TENM4: variants seen among roughly 807,000 people sequenced by gnomAD.
The protein encoded by TENM4 is teneurin transmembrane protein 4.
In TENM4, 82 loss-of-function variants were observed where a neutral mutation model predicts 243.3. The ratio of observed to expected loss-of-function variants is 0.34; its 90% CI spans 0.28 to 0.40. The LOEUF (loss-of-function observed/expected upper bound fraction) is 0.40, where lower values mean the gene tolerates loss of function less well. TENM4 is among the 10% of genes least tolerant of loss of function. The probability of loss-of-function intolerance (pLI) is 1.00; values close to 1 mark genes in which losing one functional copy is unlikely to be tolerated. For missense variants in TENM4, 3,138 were observed against 3,673.3 expected (o/e 0.85, Z 3.77); for synonymous variants, 1,412 against 1,456.3 (o/e 0.97, Z 0.69).
intron 1 of TENM4, among the ~76,000 whole-genome samples, chr11:79,391,959 T>C (rs535715): frequency 0.42 from 64,377 of 151,812 alleles, 13,626 homozygotes; most frequent in Non-Finnish European, 0.46. Context: ...TTATTTCCCT[T>C]TGAAAAAAAA....
At chr11:79,288,620 A>C (rs142851642) in intron 2 of TENM4, among the ~76,000 whole-genome samples, 4 of 152,342 alleles carry the variant, frequency 2.6e-5, no homozygotes, top group African/African-American at 7.2e-5. Context: ...ATCCCAGCTT[A>C]TCTTCAGATC....
rs545709577 is a variant in TENM4, at chr11:79,110,396, AG to A, written c.-66+38313del. On this transcript the variant is annotated intron_variant, in intron 4 of 33. Coordinates refer to ENST00000278550, the MANE Select transcript of TENM4 (RefSeq NM_001098816.3). ...TGTGCTCCCCTGTAATGGCACTCACAGCACCCTGGGGACTCACAGCGCCCTG... is the reference window on the plus strand; with the variant it reads ...TGTGCTCCCCTGTAATGGCACTCACACACCCTGGGGACTCACAGCGCCCTG... Among the ~76,000 whole-genome samples, 46 of 152,324 alleles carry A rather than the reference AG, an allele frequency of 3.0e-4. 1 individual carries two copies. The South Asian group carries it at 9.3e-3, about 31-fold the overall frequency.
chr11:78,773,045 C>G (rs890343098), intron 17 of TENM4, among the ~76,000 whole-genome samples: 2 of 152,236 alleles, frequency 1.3e-5, no homozygotes, highest in African/African-American at 4.8e-5. Context: ...CATTAGTGAT[C>G]TAAGCAATCA....
chr11:78,782,641 CTAT>C (rs1190386879), intron 16 of TENM4, among the ~76,000 whole-genome samples: 1 of 151,970 alleles, frequency 6.6e-6, no homozygotes, highest in Non-Finnish European at 1.5e-5. Flanking sequence ...TGGTGCACAC[CTAT>C]AGTCCCACCT....
intron 1 of TENM4, among the ~76,000 whole-genome samples, chr11:79,346,948 C>T (rs1321353677): frequency 6.6e-6 from 1 of 152,178 alleles, no homozygotes; most frequent in African/African-American, 2.4e-5. Context: ...GGTTTCTCTC[C>T]TTATCCCACC....
At chr11:79,096,952 A>ACC (rs1861098501) in intron 4 of TENM4, 1 of 152,442 alleles carries the variant, frequency 6.6e-6, no homozygotes, top group African/African-American at 2.4e-5. Context: ...ACACACACAC[A>ACC]CACACACACA....
At chr11:79,129,700 AC>A (rs1443669555) in intron 4 of TENM4, among the ~76,000 whole-genome samples, 1 of 149,910 alleles carries the variant, frequency 6.7e-6, no homozygotes, top group Non-Finnish European at 1.5e-5. Flanking sequence ...TGGGAATCTC[AC>A]CCCCATCCCC....
intron 1 of TENM4, among the ~76,000 whole-genome samples, chr11:79,352,611 C>T (rs574122602): frequency 6.6e-6 from 1 of 152,320 alleles, no homozygotes; most frequent in East Asian, 1.9e-4. Flanking sequence ...GTGGGACATT[C>T]CCAACAGACA....
chr11:79,228,743 A>C (rs182923204), intron 2 of TENM4, among the ~76,000 whole-genome samples: 1 of 152,294 alleles, frequency 6.6e-6, no homozygotes, highest in Admixed American at 6.5e-5. Context: ...AAAAATTTTA[A>C]ACCAGTTAGA....
intron 14 of TENM4, among the ~76,000 whole-genome samples, chr11:78,808,375 T>C (rs564115034): frequency 1.4e-3 from 214 of 152,342 alleles, no homozygotes; most frequent in Non-Finnish European, 2.2e-3. Flanking sequence ...AACATTAACT[T>C]ATTCCCTCTT....
At chr11:79,296,392 G>A (rs1405097198) in intron 2 of TENM4, among the ~76,000 whole-genome samples, 1 of 152,194 alleles carries the variant, frequency 6.6e-6, no homozygotes, top group East Asian at 1.9e-4. Context: ...CAGCCACTTG[G>A]TAGAGCCAGC....
chr11:78,851,678 T>A (rs979990261), intron 12 of TENM4, among the ~76,000 whole-genome samples: 9 of 152,106 alleles, frequency 5.9e-5, no homozygotes, highest in Non-Finnish European at 1.3e-4. Flanking sequence ...TTGATGATCA[T>A]GTCCCTAAAC....
At chr11:78,986,508 A>G (rs1857922047) in intron 6 of TENM4, among the ~76,000 whole-genome samples, 1 of 152,166 alleles carries the variant, frequency 6.6e-6, no homozygotes. Context: ...TAAAGGCTGT[A>G]GGAGCCAAAT....
At chr11:79,389,900 A>G (rs1858195230) in intron 1 of TENM4, among the ~76,000 whole-genome samples, 1 of 152,218 alleles carries the variant, frequency 6.6e-6, no homozygotes, top group Admixed American at 6.5e-5. Context: ...TGGATTGTAA[A>G]GCCTAAAATA....
intron 6 of TENM4, among the ~76,000 whole-genome samples, chr11:78,952,362 C>G (rs1436148499): frequency 6.6e-6 from 1 of 152,230 alleles, no homozygotes; most frequent in African/African-American, 2.4e-5. Context: ...AGGGCTGGGG[C>G]TGCCCTGCTA....
chr11:79,263,122 C>T (rs1855826526), intron 2 of TENM4, among the ~76,000 whole-genome samples: 1 of 152,188 alleles, frequency 6.6e-6, no homozygotes, highest in Admixed American at 6.5e-5. Context: ...TATCAGGAAC[C>T]CAATGCATGG....
chr11:79,251,290 T>C (rs533531064), intron 2 of TENM4, among the ~76,000 whole-genome samples: 2 of 152,212 alleles, frequency 1.3e-5, no homozygotes, highest in African/African-American at 2.4e-5. Flanking sequence ...TCCAGCTGCA[T>C]AGGAAACCAA....
chr11:79,212,400 C>A (rs1863971268), intron 3 of TENM4, among the ~76,000 whole-genome samples: 1 of 152,222 alleles, frequency 6.6e-6, no homozygotes, highest in African/African-American at 2.4e-5. Context: ...TCTGAGTGGT[C>A]CTGAGAATCT....
At chr11:78,894,945 C>T (rs1280812190) in intron 7 of TENM4, among the ~76,000 whole-genome samples, 23 of 142,358 alleles carry the variant, frequency 1.6e-4, no homozygotes, top group African/African-American at 5.5e-4. Context: ...CCATAAGCCT[C>T]TGCACTCCAG....
Sources: gnomAD v4.1 joint callset for allele counts (sites outside exome capture counted in the v4.1 genomes callset) on GRCh38, gnomAD v4.1.1 for gene constraint, MANE v1.5 for transcripts, NCBI Gene and HGNC (gene_info 2026-07-23, HGNC 2026-07-21) for gene names.